Variants in ARIH2 observed in about 807,000 individuals in gnomAD.
The protein encoded by ARIH2 is ariadne RBR E3 ubiquitin protein ligase 2.
A neutral mutation model predicts 79.8 loss-of-function variants in ARIH2; 12 were observed. The ratio of observed to expected loss-of-function variants is 0.15; its 90% CI spans 0.10 to 0.24. The LOEUF is 0.24. Among genes scored for constraint, ARIH2 ranks in the 10% least tolerant of loss-of-function variants. The pLI is 1.00. For synonymous variants in ARIH2, 224 were observed against 213.9 expected (o/e 1.05, Z -0.41); for missense variants, 301 against 618.3 (o/e 0.49, Z 5.44).
At chr3:48,978,217 C>G (rs2092606296) in intron 11 of ARIH2, among the ~76,000 whole-genome samples, 1 of 150,390 alleles carries the variant, frequency 6.6e-6, no homozygotes, top group Non-Finnish European at 1.5e-5. Flanking sequence ...TGCAGTAATT[C>G]TTTGAGCATC....
chr3:48,977,326 T>C (rs1225384967), intron 11 of ARIH2, among the ~76,000 whole-genome samples: 1 of 151,786 alleles, frequency 6.6e-6, no homozygotes, highest in Non-Finnish European at 1.5e-5. Context: ...TGAGATGGAG[T>C]CTCACTCTGT....
Position 48,948,207 on chromosome 3 carries a change from C to T in ARIH2, c.256-13405C>T, listed in dbSNP as rs187181129. Reference sequence around the variant, plus strand: ...CGATCTCCTGACCTTGTGATCCGCCCGCCTCGGCCTCCTAAAGTGCTGGGA... The same window carrying T: ...CGATCTCCTGACCTTGTGATCCGCCTGCCTCGGCCTCCTAAAGTGCTGGGA... On this transcript the variant is annotated intron_variant, in intron 3 of 15. Coordinates refer to ENST00000356401, the MANE Select transcript of ARIH2 (RefSeq NM_006321.4). Among the ~76,000 whole-genome samples, 1,504 of 152,158 alleles carry T rather than the reference C, an allele frequency of 9.9e-3. 29 individuals are homozygous for T. Among genetic ancestry groups the T allele is most frequent in the African/African-American group, 0.035 (1,442 of 41,506 alleles).
At chr3:48,930,487 CA>C (rs2086221565) in intron 3 of ARIH2, among the ~76,000 whole-genome samples, 1 of 151,990 alleles carries the variant, frequency 6.6e-6, no homozygotes, top group African/African-American at 2.4e-5. Context: ...TATCTCAAAA[CA>C]ACAAAAATTT....
intron 3 of ARIH2, among the ~76,000 whole-genome samples, chr3:48,949,832 CT>C (rs906266100): frequency 6.7e-6 from 1 of 150,034 alleles, no homozygotes; most frequent in Non-Finnish European, 1.5e-5. Flanking sequence ...TTTTTTTAAT[CT>C]TTTTTTTACT....
At position 48,927,717 on chromosome 3, in the gene ARIH2, C is replaced by G; in HGVS notation, c.159C>G (p.Ala53=). The change falls in exon 3 of 16, where the codon GCC becomes GCG. Residue 53 remains alanine (A), a synonymous_variant. Coordinates refer to ENST00000356401, the MANE Select transcript of ARIH2 (RefSeq NM_006321.4). ...ATGTGGAGCAGCAGGGGGCTGATGCCTTTGATCCCGAGGAGTACCAGTTCA... is the reference window on the plus strand; with the variant it reads ...ATGTGGAGCAGCAGGGGGCTGATGCGTTTGATCCCGAGGAGTACCAGTTCA... ...ASDVEQQGAD[A]FDPEEYQFTC... The G allele has an allele frequency of 1.2e-6, 2 of 1,614,172 alleles. No individual in the cohort carries two copies. Among genetic ancestry groups the G allele is most frequent in the Non-Finnish European group, 1.7e-6 (2 of 1,180,022 alleles).
At chr3:48,941,498 G>T (rs993125764) in intron 3 of ARIH2, among the ~76,000 whole-genome samples, 1 of 152,012 alleles carries the variant, frequency 6.6e-6, no homozygotes, top group African/African-American at 2.4e-5. Flanking sequence ...AAGACCTGGT[G>T]GTGGTAGTGG....
At chr3:48,921,358 T>C (rs1037817694) in intron 1 of ARIH2, 1 of 144,018 alleles carries the variant, frequency 6.9e-6, no homozygotes, top group South Asian at 2.4e-4. Flanking sequence ...GAGTTCTCTC[T>C]CTTTTTTTTT....
At chr3:48,959,272 C>T (rs1363886365) in intron 3 of ARIH2, among the ~76,000 whole-genome samples, 2 of 140,748 alleles carry the variant, frequency 1.4e-5, no homozygotes, top group African/African-American at 5.4e-5. Context: ...GCCGAGATTG[C>T]ACCACTGCAC....
rs185860403 is a variant in ARIH2 at position 48,969,635 on chromosome 3, G to T, written c.661-960G>T. On this transcript the variant is annotated intron_variant, in intron 7 of 15. Coordinates refer to ENST00000356401, the MANE Select transcript of ARIH2 (RefSeq NM_006321.4). Reference sequence around the variant, plus strand: ...CCCGAGCAACTGGGACTACTGGCGCGCACCACCAAACCCAGCTAATTTTTG... The same window carrying T: ...CCCGAGCAACTGGGACTACTGGCGCTCACCACCAAACCCAGCTAATTTTTG... 6.9e-3 allele frequency among the ~76,000 whole-genome samples: 1,051 copies of T among 151,696 alleles called. 38 individuals carry two copies. The highest frequency in any genetic ancestry group is 0.062 in the Admixed American group (939 of 15,210).
chr3:48,926,579 T>G (rs901310325), intron 2 of ARIH2: 2 of 148,744 alleles, frequency 1.3e-5, no homozygotes, highest in African/African-American at 5.0e-5. Context: ...CAATGGAGTT[T>G]CACTCTTGTC....
intron 7 of ARIH2, among the ~76,000 whole-genome samples, chr3:48,969,098 C>T (rs1165687803): frequency 1.3e-5 from 2 of 151,778 alleles, no homozygotes; most frequent in East Asian, 1.9e-4. Context: ...TGATCTTGAT[C>T]TCTTGACCTC....
intron 3 of ARIH2, among the ~76,000 whole-genome samples, chr3:48,961,265 TGAG>T (rs1350104781): frequency 1.3e-5 from 2 of 152,188 alleles, no homozygotes; most frequent in Admixed American, 1.3e-4. Flanking sequence ...TACAGCAGCT[TGAG>T]GGAACATATA....
intron 12 of ARIH2, 88 bp downstream of exon 12, chr3:48,979,721 G>A: frequency 6.3e-6 from 9 of 1,427,682 alleles, no homozygotes; most frequent in Non-Finnish European, 7.7e-6. Flanking sequence ...GGTAGACAGA[G>A]CTAGCCTGTG....
intron 3 of ARIH2, among the ~76,000 whole-genome samples, chr3:48,945,846 G>T (rs1314661890): frequency 1.3e-5 from 2 of 152,096 alleles, no homozygotes; most frequent in African/African-American, 2.4e-5. Flanking sequence ...AAGTAGGGCA[G>T]CAAGTCACAG....
In ARIH2 at chr3:48,981,670, C is replaced by G; in HGVS notation, c.1268C>G (p.Thr423Ser). The change falls in exon 14 of 16, where the codon ACC becomes AGC. Residue 423 changes from threonine to serine, a missense_variant. This residue lies in a region of ARIH2 where 78 missense variants were observed against 268.9 expected (regional missense o/e 0.29). Transcript: ENST00000356401. ...AAKLLAKCRY[T>S]LQYTYPYAYY... is the part of the protein sequence containing the mutation. ...TCTCTCCTGTTGCAGTGTCGATACA[C>G]CCTGCAATACACCTACCCATATGCA... 6.2e-7 allele frequency: 1 copy of G among 1,613,714 alleles called. No homozygotes were observed. Among genetic ancestry groups the G allele is most frequent in the Non-Finnish European group, 8.5e-7 (1 of 1,179,746 alleles).
intron 2 of ARIH2, among the ~76,000 whole-genome samples, chr3:48,923,889 T>G (rs2085198979): frequency 6.6e-6 from 1 of 152,152 alleles, no homozygotes; most frequent in Non-Finnish European, 1.5e-5. Context: ...ATCCCAGCGT[T>G]TTGTAAGGCC....
chr3:48,978,946 G>C (rs1191313870), intron 11 of ARIH2, among the ~76,000 whole-genome samples: 2 of 151,448 alleles, frequency 1.3e-5, no homozygotes, highest in Non-Finnish European at 1.5e-5. Flanking sequence ...GGGTGACAGA[G>C]TGAGACTCTG....
chr3:48,974,563 A>G, intron 9 of ARIH2: 2 of 559,322 alleles, frequency 3.6e-6, no homozygotes, highest in East Asian at 3.0e-5. Flanking sequence ...GAGTAGCTTC[A>G]TGGCAGGGGC....
chr3:48,973,085 A>C (rs1197322197), intron 8 of ARIH2, among the ~76,000 whole-genome samples: 1 of 152,260 alleles, frequency 6.6e-6, no homozygotes, highest in Non-Finnish European at 1.5e-5. Flanking sequence ...ACATTCATGC[A>C]GTATTTCAGT....
Sources: allele counts gnomAD v4.1 joint callset (sites outside exome capture counted in the v4.1 genomes callset), GRCh38; gene constraint gnomAD v4.1.1; regional missense constraint gnomAD v4.1.1; transcripts MANE v1.5; gene names NCBI Gene and HGNC (gene_info 2026-07-23, HGNC 2026-07-21).